The following ACER2 variants were observed in gnomAD, a reference collection of about 807,000 sequenced individuals.
ACER2 encodes alkCDase 2.
Under a neutral mutation model 34.7 loss-of-function variants are expected in ACER2, and 26 were observed. That is an observed-to-expected ratio of 0.75 (90% CI 0.55 to 1.04). The LOEUF (loss-of-function observed/expected upper bound fraction) is 1.04. Among genes scored for constraint, ACER2 ranks in the 50% least tolerant of loss-of-function variants. The probability of loss-of-function intolerance (pLI) is 0.00; values close to 1 mark genes in which losing one functional copy is unlikely to be tolerated. For synonymous variants in ACER2, 138 were observed against 132.1 expected (o/e 1.04, Z -0.31); for missense variants, 352 against 340.8 (o/e 1.03, Z -0.26).
chr9:19,434,789 G>A (rs937311471), intron 3 of ACER2, among the ~76,000 whole-genome samples, 158 bp from the exon 4 acceptor site: 6 of 151,924 alleles, frequency 3.9e-5, no homozygotes, highest in Non-Finnish European at 7.4e-5. Context: ...ACGAAGTCTC[G>A]CTCTGTCGCC....
At chr9:19,423,271 AAG>A (rs1830462482) in intron 1 of ACER2, among the ~76,000 whole-genome samples, 1 of 152,222 alleles carries the variant, frequency 6.6e-6, no homozygotes, top group Non-Finnish European at 1.5e-5. Context: ...TAATAAGAAT[AAG>A]AGAGGAGCTT....
chr9:19,425,001 A>G (rs1431654623), intron 3 of ACER2, among the ~76,000 whole-genome samples, 160 bp downstream of exon 3: 6 of 152,252 alleles, frequency 3.9e-5, no homozygotes, highest in Admixed American at 1.3e-4. Context: ...ATCTGACAAT[A>G]TAAGTAAACT....
chr9:19,417,773 T>A (rs10964129), intron 1 of ACER2, among the ~76,000 whole-genome samples: 4 of 152,006 alleles, frequency 2.6e-5, no homozygotes, highest in South Asian at 2.1e-4. Flanking sequence ...AAACCTAGGC[T>A]ATACCATTCA....
chr9:19,420,772 G>T (rs944509968), intron 1 of ACER2, among the ~76,000 whole-genome samples: 2 of 152,174 alleles, frequency 1.3e-5, no homozygotes, highest in African/African-American at 4.8e-5. Flanking sequence ...GTGGCAGCAG[G>T]TTGGGGGTCT....
chr9:19,438,027 A>T (rs576462512), intron 4 of ACER2, among the ~76,000 whole-genome samples: 6 of 152,160 alleles, frequency 3.9e-5, no homozygotes, highest in African/African-American at 1.4e-4. Flanking sequence ...GTATCTTGCT[A>T]ATGACTGGGC....
At chr9:19,413,753 C>A (rs10811179) in intron 1 of ACER2, among the ~76,000 whole-genome samples, 6 of 152,020 alleles carry the variant, frequency 3.9e-5, no homozygotes, top group African/African-American at 7.2e-5. Context: ...GTCAACTGAT[C>A]GCTGAAAAGA....
At chr9:19,424,103 C>G in intron 2 of ACER2, 127 bp downstream of exon 2, 1 of 932,376 alleles carries the variant, frequency 1.1e-6, no homozygotes. Flanking sequence ...GAGGTCTTAG[C>G]AAACTTTTTT....
In ACER2 at chr9:19,434,832, C is replaced by T. The variant is rs1213055350; in HGVS notation, c.366-115C>T. ...GCTTTTTGAACCTTGGTACTTAGCGCAGAATTTCTTTTCAGCTTGTATTTC... is the reference window on the plus strand; with the variant it reads ...GCTTTTTGAACCTTGGTACTTAGCGTAGAATTTCTTTTCAGCTTGTATTTC... On this transcript the variant is annotated intron_variant, in intron 3 of 5. Transcript: ENST00000340967. The T allele has an allele frequency of 2.9e-6, 4 of 1,371,194 alleles. No individual in the cohort carries two copies. The African/African-American group carries it at 5.8e-5, about 20-fold the overall frequency. 84.9% of individuals were successfully genotyped at this position (1,371,194 alleles called of 1,614,324 possible).
chr9:19,450,174 T>C (rs1308827562), intron 5 of ACER2: 4 of 984,434 alleles, frequency 4.1e-6, no homozygotes, highest in Admixed American at 6.2e-5. Flanking sequence ...GTCTTCTTGT[T>C]TGAGGCCCAA....
chr9:19,423,852 T>C lies in ACER2; in HGVS notation c.109-10T>C, dbSNP rs1830483240. ...TACTCATCTTTCTGTTTTACATTTT[T>C]TTCCTGCAGATCAGCAATGTCTTAT... On this transcript the variant is annotated splice_polypyrimidine_tract_variant and intron_variant, in intron 1 of 5. Coordinates refer to ENST00000340967, the MANE Select transcript of ACER2 (RefSeq NM_001010887.3). 1 of 1,606,526 alleles carries C rather than the reference T, an allele frequency of 6.2e-7. No individual in the cohort carries two copies. Among genetic ancestry groups the C allele is most frequent in the Admixed American group, 1.7e-5 (1 of 60,018 alleles).
chr9:19,423,291 A>G (rs1232494028), intron 1 of ACER2, among the ~76,000 whole-genome samples: 12 of 152,260 alleles, frequency 7.9e-5, no homozygotes, highest in African/African-American at 2.9e-4. Flanking sequence ...CTTGGGCAGC[A>G]TCCATAGACT....
At chr9:19,442,743 G>A (rs1053227126) in intron 4 of ACER2, among the ~76,000 whole-genome samples, 4 of 152,048 alleles carry the variant, frequency 2.6e-5, no homozygotes, top group African/African-American at 9.7e-5. Flanking sequence ...ATTTGTTCTT[G>A]CCTATTTTCA....
At chr9:19,440,878 A>T (rs995761056) in intron 4 of ACER2, among the ~76,000 whole-genome samples, 3 of 151,944 alleles carry the variant, frequency 2.0e-5, no homozygotes, top group Admixed American at 6.6e-5. Flanking sequence ...CTCAAATTCA[A>T]CTTGACCAAA....
Position 19,451,582 on chromosome 9 carries a change from AT to A in ACER2, c.*951del, listed in dbSNP as rs1384908716. The A allele has an allele frequency of 6.6e-6, 1 of 152,594 alleles. No homozygotes were observed. Among genetic ancestry groups the A allele is most frequent in the Admixed American group, 6.5e-5 (1 of 15,274 alleles). 9.5% of individuals were successfully genotyped at this position (152,594 alleles called of 1,614,324 possible). ...GCACAATTTTTAAATACTGAGCACA[AT>A]TTTTAAATACTGACATCACTTCCTC... On this transcript the variant is annotated 3_prime_UTR_variant, in exon 6 of 6. Coordinates refer to ENST00000340967, the MANE Select transcript of ACER2 (RefSeq NM_001010887.3).
At position 19,417,088 on chromosome 9, in the gene ACER2, CAGAG is replaced by C. The variant is rs1214992140; in HGVS notation, c.109-6771_109-6768del. 8.5e-4 allele frequency among the ~76,000 whole-genome samples: 97 copies of C among 113,848 alleles called. 2 individuals carry two copies. The South Asian group carries it at 0.033, about 38-fold the overall frequency. 74.7% of individuals were successfully genotyped at this position (113,848 alleles called of 152,430 possible). ...AGCATTCCTATACACCAATAATAGA[CAGAG>C]AGGCAAATCACAAGTGAACTCCCAT... On this transcript the variant is annotated intron_variant, in intron 1 of 5. Transcript: ENST00000340967.
intron 3 of ACER2, among the ~76,000 whole-genome samples, chr9:19,432,160 A>G (rs1197542627): frequency 2.6e-5 from 4 of 152,244 alleles, no homozygotes; most frequent in East Asian, 1.9e-4. Flanking sequence ...AGTATCAATT[A>G]TTTGTCTAAG....
At chr9:19,414,152 C>A (rs903456176) in intron 1 of ACER2, among the ~76,000 whole-genome samples, 2 of 152,144 alleles carry the variant, frequency 1.3e-5, no homozygotes, top group Non-Finnish European at 2.9e-5. Context: ...TAAAACTGAA[C>A]GTCCCATGCC....
At position 19,423,958 on chromosome 9, in the gene ACER2, A is replaced by G; in HGVS notation, c.205A>G (p.Thr69Ala). ...CAACAGTGGCATCTACTTAATCTGG[A>G]CTCTTTTGGTTGTAGTGGGTAAGTG... ...CFNSGIYLIW[T>A]LLVVVGIGSV... The change falls in exon 2 of 6, where the codon ACT becomes GCT. Residue 69 changes from threonine (T) to alanine (A), a missense_variant. Transcript: ENST00000340967. 1 of 1,613,272 alleles carries G rather than the reference A, an allele frequency of 6.2e-7. No individual in the cohort carries two copies. The highest frequency in any genetic ancestry group is 8.5e-7 in the Non-Finnish European group (1 of 1,179,578).
chr9:19,445,281 A>G (rs140461962), intron 4 of ACER2, among the ~76,000 whole-genome samples: 32 of 152,362 alleles, frequency 2.1e-4, no homozygotes, highest in African/African-American at 7.2e-4. Flanking sequence ...ATTTTGTCCC[A>G]GTGTGTGTAA....
Sources: allele counts gnomAD v4.1 joint callset (sites outside exome capture counted in the v4.1 genomes callset), GRCh38; gene constraint gnomAD v4.1.1; transcripts MANE v1.5; gene names NCBI Gene and HGNC (gene_info 2026-07-23, HGNC 2026-07-21).